The following TAFA1 variants were observed in gnomAD, a reference collection of about 807,000 sequenced individuals.
The protein encoded by TAFA1 is TAFA chemokine like family member 1, also known as chemokine-like protein TAFA-1.
A neutral mutation model predicts 18.5 loss-of-function variants in TAFA1; 4 were observed. The ratio of observed to expected loss-of-function variants is 0.22; its 90% CI spans 0.11 to 0.49. The LOEUF is 0.49. Ranked by LOEUF, TAFA1 falls within the 20% of genes least tolerant of loss-of-function variation. The pLI, the probability that TAFA1 is intolerant of heterozygous loss-of-function variation, is 0.98. For synonymous variants in TAFA1, 56 were observed against 55.2 expected (o/e 1.01, Z -0.06); for missense variants, 147 against 169.0 (o/e 0.87, Z 0.72).
intron 2 of TAFA1, among the ~76,000 whole-genome samples, chr3:68,157,482 C>A (rs556399273): frequency 2.0e-5 from 3 of 152,048 alleles, no homozygotes; most frequent in African/African-American, 4.8e-5. Context: ...CAGGAGCAAA[C>A]AGGAAAAAAA....
intron 2 of TAFA1, among the ~76,000 whole-genome samples, chr3:68,168,546 A>C (rs914329603): frequency 1.3e-4 from 20 of 152,350 alleles, no homozygotes; most frequent in Admixed American, 2.6e-4. Flanking sequence ...ATTCCAGTCT[A>C]GGAGTTGAAA....
chr3:68,334,416 A>C (rs1314926758), intron 2 of TAFA1, among the ~76,000 whole-genome samples: 1 of 152,212 alleles, frequency 6.6e-6, no homozygotes, highest in African/African-American at 2.4e-5. Context: ...CATGTTGAAG[A>C]AAATGCTAGG....
intron 3 of TAFA1, among the ~76,000 whole-genome samples, chr3:68,469,371 T>C (rs2106943065): frequency 6.6e-6 from 1 of 152,134 alleles, no homozygotes; most frequent in South Asian, 2.1e-4. Flanking sequence ...TCTCTTATTT[T>C]CTCTTTTGAA....
At chr3:68,519,108 G>A (rs1160811269) in intron 3 of TAFA1, among the ~76,000 whole-genome samples, 1 of 152,210 alleles carries the variant, frequency 6.6e-6, no homozygotes, top group Non-Finnish European at 1.5e-5. Context: ...ACTGTGGTCT[G>A]AATGTGTGTG....
chr3:68,025,498 C>G (rs1263866684), intron 2 of TAFA1, among the ~76,000 whole-genome samples: 1 of 152,134 alleles, frequency 6.6e-6, no homozygotes. Flanking sequence ...TGTTCCAAAC[C>G]CACACACAGT....
intron 2 of TAFA1, among the ~76,000 whole-genome samples, chr3:68,133,109 A>G (rs2065563005): frequency 6.6e-6 from 1 of 152,164 alleles, no homozygotes; most frequent in South Asian, 2.1e-4. Context: ...TCCCAACACC[A>G]TTTATGAAAC....
At chr3:68,299,551 G>A (rs2068268794) in intron 2 of TAFA1, among the ~76,000 whole-genome samples, 1 of 152,240 alleles carries the variant, frequency 6.6e-6, no homozygotes, top group Non-Finnish European at 1.5e-5. Context: ...CATTTTCTGA[G>A]GAGAAATTCA....
chr3:68,256,264 C>T, intron 2 of TAFA1, among the ~76,000 whole-genome samples: 1 of 152,070 alleles, frequency 6.6e-6, no homozygotes. Flanking sequence ...ACTTCCTCAC[C>T]TCAAAAAGTC....
intron 2 of TAFA1, among the ~76,000 whole-genome samples, chr3:68,034,599 C>T (rs1360050575): frequency 1.3e-5 from 2 of 152,206 alleles, no homozygotes; most frequent in East Asian, 3.9e-4. Flanking sequence ...TTACAAAATG[C>T]TGATTTCTGC....
At chr3:68,503,122 C>T (rs2072685396) in intron 3 of TAFA1, among the ~76,000 whole-genome samples, 1 of 152,122 alleles carries the variant, frequency 6.6e-6, no homozygotes. Context: ...CATACTTGAT[C>T]TCATGTGACA....
intron 3 of TAFA1, among the ~76,000 whole-genome samples, chr3:68,477,173 T>C (rs551375193): frequency 1.5e-4 from 23 of 152,056 alleles, no homozygotes; most frequent in African/African-American, 5.3e-4. Flanking sequence ...ATGTTTTATA[T>C]ATATAGTATA....
chr3:68,058,553 G>A (rs2064562981), intron 2 of TAFA1, among the ~76,000 whole-genome samples: 1 of 152,146 alleles, frequency 6.6e-6, no homozygotes, highest in Admixed American at 6.5e-5. Context: ...AGATCTCTGA[G>A]TTATTAATAG....
At chr3:68,123,325 T>G (rs1283161971) in intron 2 of TAFA1, among the ~76,000 whole-genome samples, 1 of 152,100 alleles carries the variant, frequency 6.6e-6, no homozygotes, top group Admixed American at 6.6e-5. Context: ...GTTTACATAT[T>G]TCTCAAAGTA....
intron 3 of TAFA1, among the ~76,000 whole-genome samples, chr3:68,490,258 C>A (rs1340635996): frequency 6.6e-6 from 1 of 152,164 alleles, no homozygotes; most frequent in Non-Finnish European, 1.5e-5. Flanking sequence ...AATAGTTCAT[C>A]ATATTACAAA....
chr3:68,310,761 A>G (rs867897166), intron 2 of TAFA1, among the ~76,000 whole-genome samples: 4 of 152,198 alleles, frequency 2.6e-5, no homozygotes, highest in African/African-American at 7.2e-5. Flanking sequence ...AATATTTTCT[A>G]TTCTGGAGAA....
intron 2 of TAFA1, among the ~76,000 whole-genome samples, chr3:68,110,533 C>T (rs1009861497): frequency 1.3e-5 from 2 of 152,158 alleles, no homozygotes; most frequent in African/African-American, 4.8e-5. Context: ...ATTTCTGCCT[C>T]TAGATATTCA....
Position 68,479,241 on chromosome 3 carries a change from A to AAAAAATATAT in TAFA1, c.260-59514_260-59513insAAAATATATA, listed in dbSNP as rs1353493315. The stretch of plus-strand genomic sequence containing the variant: ...TGAGACTCCATCTCAAAAAAAAAAA[A>AAAAAATATAT]ATATATATATATATATATATATGTC... On this transcript the variant is annotated intron_variant, in intron 3 of 4. Transcript: ENST00000478136. Among the ~76,000 whole-genome samples, 77 of 123,634 alleles carry AAAAAATATAT rather than the reference A, an allele frequency of 6.2e-4. 1 individual carries two copies. Among genetic ancestry groups the AAAAAATATAT allele is most frequent in the African/African-American group, 2.5e-3 (69 of 27,732 alleles). 81.1% of individuals were successfully genotyped at this position (123,634 alleles called of 152,430 possible). A position where few individuals can be genotyped will look rare whatever the true frequency, so the allele number is the denominator to read the frequency against.
At chr3:68,034,917 A>C (rs1204915075) in intron 2 of TAFA1, among the ~76,000 whole-genome samples, 1 of 152,150 alleles carries the variant, frequency 6.6e-6, no homozygotes, top group African/African-American at 2.4e-5. Flanking sequence ...ATTCATCCTT[A>C]TATAGTGGTG....
rs937098741 is a variant in TAFA1 at position 68,544,513 on chromosome 3, T to A, written c.*10T>A. On this transcript the variant is annotated 3_prime_UTR_variant, in exon 5 of 5. Transcript: ENST00000478136. ...TCACCCAAGAACCTAACAGAAGCAT[T>A]TGTGGTAGTAAAGGAAAACCAACCC... is the stretch of plus-strand genomic sequence containing the variant. The A allele has an allele frequency of 6.2e-7, 1 of 1,612,374 alleles. No homozygotes were observed. Among genetic ancestry groups the A allele is most frequent in the South Asian group, 1.1e-5 (1 of 90,998 alleles).
Sources: gnomAD v4.1 joint callset for allele counts (sites outside exome capture counted in the v4.1 genomes callset) on GRCh38, gnomAD v4.1.1 for gene constraint, MANE v1.5 for transcripts, NCBI Gene and HGNC (gene_info 2026-07-23, HGNC 2026-07-21) for gene names.